Variants in SIGLEC6 observed in about 807,000 individuals in gnomAD.
SIGLEC6 encodes the protein sialic acid binding Ig like lectin 6, also known as sialic acid-binding Ig-like lectin 6.
SIGLEC6 carries 31 observed loss-of-function variants against 41.4 expected under a neutral mutation model. That is an observed-to-expected ratio of 0.75 (90% CI 0.56 to 1.01). SIGLEC6 has a LOEUF of 1.01. Ranked by LOEUF, SIGLEC6 falls within the 50% of genes least tolerant of loss-of-function variation. SIGLEC6 has a pLI of 0.00. For missense variants in SIGLEC6, 555 were observed against 558.6 expected (o/e 0.99, Z 0.06); for synonymous variants, 217 against 231.0 (o/e 0.94, Z 0.55).
In SIGLEC6 at chr19:51,531,609, G is replaced by A; in HGVS notation, c.40C>T (p.Pro14Ser). ...GCCCACAGCAGGGGCAGCAGCAGCG[G>A]TAGCATCTCTGAGGCGGAGGCTTCC... ...AQEASASEML[P>S]LLLPLLWAGA... The change falls in exon 1 of 8, where the codon CCG becomes TCG. Residue 14 changes from proline to serine, a missense_variant. Pro to Ser is a moderately conservative substitution (Grantham distance 74). Transcript: ENST00000425629. The A allele has an allele frequency of 6.2e-7, 1 of 1,613,194 alleles. No homozygotes were observed. The highest frequency in any genetic ancestry group is 8.5e-7 in the Non-Finnish European group (1 of 1,179,578).
At chr19:51,521,662 C>T (rs780276001) in intron 7 of SIGLEC6, among the ~76,000 whole-genome samples, 2 of 152,102 alleles carry the variant, frequency 1.3e-5, no homozygotes, top group Non-Finnish European at 2.9e-5. Flanking sequence ...ACATCCCAGA[C>T]TTTTGGAAGA....
chr19:51,521,240 A>C (rs549434621), intron 7 of SIGLEC6, among the ~76,000 whole-genome samples: 1 of 152,318 alleles, frequency 6.6e-6, no homozygotes, highest in East Asian at 1.9e-4. Flanking sequence ...CAAAGTGGGG[A>C]TTTAACACAC....
chr19:51,527,942 G>T, intron 6 of SIGLEC6, 114 bp from the exon 7 acceptor site: 1 of 1,064,586 alleles, frequency 9.4e-7, no homozygotes, highest in Non-Finnish European at 1.4e-6. Flanking sequence ...AGGTCCAGGT[G>T]CTCACATGAG....
Position 51,527,727 on chromosome 19 carries a change from T to G in SIGLEC6, c.1188+20A>C, listed in dbSNP as rs746418451. 6.2e-7 allele frequency: 1 copy of G among 1,611,460 alleles called. No individual in the cohort carries two copies. Among genetic ancestry groups the G allele is most frequent in the African/African-American group, 1.3e-5 (1 of 74,810 alleles). ...CAAAAGGGATAATGCTGAATGGAAATTAAGGTCTCTGTCACTCACCCTGGA... is the reference window on the plus strand; with the variant it reads ...CAAAAGGGATAATGCTGAATGGAAAGTAAGGTCTCTGTCACTCACCCTGGA... On this transcript the variant is annotated intron_variant, in intron 7 of 7. Transcript: ENST00000425629.
intron 4 of SIGLEC6, among the ~76,000 whole-genome samples, 169 bp downstream of exon 4, chr19:51,530,268 G>T (rs1455894694): frequency 1.3e-5 from 2 of 152,208 alleles, no homozygotes; most frequent in South Asian, 2.1e-4. Context: ...AGTGCGAGGG[G>T]TGTGGCAGCT....
At chr19:51,529,498 G>A (rs897835845) in intron 5 of SIGLEC6, 7 of 575,292 alleles carry the variant, frequency 1.2e-5, no homozygotes, top group African/African-American at 3.8e-5. Flanking sequence ...TGACTGTGAA[G>A]GAGCCATGGC....
chr19:51,519,250 G>A lies in SIGLEC6; in HGVS notation c.*832C>T, dbSNP rs1487991951. 2.4e-5 allele frequency among the ~76,000 whole-genome samples: 3 copies of A among 124,622 alleles called. No individual in the cohort carries two copies. The highest frequency in any genetic ancestry group is 2.7e-4 in the South Asian group (1 of 3,682). The allele number at this position is 124,622 out of a possible 152,430, so 81.8% of individuals were successfully genotyped here. A position where few individuals can be genotyped will look rare whatever the true frequency, so the allele number is the denominator to read the frequency against. ...GCGAAGCTTGCACTGAGCCAAGATC[G>A]CACCACTGCACTCCAGCCTGGGAGA... On this transcript the variant is annotated 3_prime_UTR_variant, in exon 8 of 8. Coordinates refer to ENST00000425629, the MANE Select transcript of SIGLEC6 (RefSeq NM_001245.7).
At chr19:51,525,440 G>A (rs894921494) in intron 7 of SIGLEC6, among the ~76,000 whole-genome samples, 4 of 152,150 alleles carry the variant, frequency 2.6e-5, no homozygotes, top group Admixed American at 6.5e-5. Context: ...CAGCCAGACC[G>A]TATCAGTGTG....
intron 7 of SIGLEC6, among the ~76,000 whole-genome samples, chr19:51,526,695 T>C (rs1306382648): frequency 6.6e-6 from 1 of 152,096 alleles, no homozygotes; most frequent in East Asian, 1.9e-4. Context: ...TTAACCAGAA[T>C]GAAATGGATA....
chr19:51,531,226 A>C lies in SIGLEC6; in HGVS notation c.361T>G (p.Phe121Val). 6.2e-7 allele frequency: 1 copy of C among 1,613,224 alleles called. No homozygotes were observed. The highest frequency in any genetic ancestry group is 8.5e-7 in the Non-Finnish European group (1 of 1,179,450). Residue 121 changes from phenylalanine (F) to valine (V), a missense_variant, in exon 2 of 8, where the codon TTT becomes GTT. Coordinates refer to ENST00000425629, the MANE Select transcript of SIGLEC6 (RefSeq NM_001245.7). ...ARRRDNAAYF[F>V]RLKSKWMKYG... Reference sequence around the variant, plus strand: ...TTCATCCATTTGGACTTCAACCGAAAGAAGTATGCAGCATTGTCCCTCCTC... The same window carrying C: ...TTCATCCATTTGGACTTCAACCGAACGAAGTATGCAGCATTGTCCCTCCTC...
rs1897175817 is a variant in SIGLEC6, at chr19:51,529,571, GT to G, written c.1012+152del. ...GCCAGTGCAGGGAGGAGCCACTGCA[GT>G]GTGGACTCTAAGCCTCCCAGAGGTA... On this transcript the variant is annotated intron_variant, in intron 5 of 7. Transcript: ENST00000425629. 4 of 910,606 alleles carry G rather than the reference GT, an allele frequency of 4.4e-6. No individual in the cohort carries two copies. The Admixed American group carries it at 9.6e-5, about 22-fold the overall frequency. The allele number at this position is 910,606 out of a possible 1,614,324, so 56.4% of individuals were successfully genotyped here.
rs1372174851 is a variant in SIGLEC6, at chr19:51,519,173, T to C, written c.*909A>G. On this transcript the variant is annotated 3_prime_UTR_variant, in exon 8 of 8. Transcript: ENST00000425629. ...AGCCGGGTGTGGTGGTGGGTGCCTG[T>C]AGTCCCAGCTACTTGGGAGGCTGAG... is the stretch of plus-strand genomic sequence containing the variant. Among the ~76,000 whole-genome samples, 1 of 151,686 alleles carries C rather than the reference T, an allele frequency of 6.6e-6. No individual in the cohort carries two copies. Among genetic ancestry groups the C allele is most frequent in the Admixed American group, 6.6e-5 (1 of 15,232 alleles).
chr19:51,520,019 G>A lies in SIGLEC6; in HGVS notation c.*63C>T. ...GTGGTACATTGCTGTGGCAGCCCTA[G>A]TAACCAATACACTGAGAGGTACCAT... On this transcript the variant is annotated 3_prime_UTR_variant, in exon 8 of 8. Coordinates refer to ENST00000425629, the MANE Select transcript of SIGLEC6 (RefSeq NM_001245.7). 7.3e-7 allele frequency: 1 copy of A among 1,373,664 alleles called. No individual in the cohort carries two copies. Among genetic ancestry groups the A allele is most frequent in the Non-Finnish European group, 9.8e-7 (1 of 1,018,048 alleles). 85.1% of individuals were successfully genotyped at this position (1,373,664 alleles called of 1,614,324 possible). A position where few individuals can be genotyped will look rare whatever the true frequency, so the allele number is the denominator to read the frequency against.
chr19:51,530,409 G>A (rs752625658), intron 4 of SIGLEC6, 28 bp downstream of exon 4: 2 of 1,605,876 alleles, frequency 1.2e-6, no homozygotes, highest in East Asian at 2.2e-5. Context: ...ATCTGGCCCT[G>A]GAGAGAACAG....
In SIGLEC6 at chr19:51,528,267, T is replaced by C; in HGVS notation, c.1013-14A>G. 1 of 1,608,360 alleles carries C rather than the reference T, an allele frequency of 6.2e-7. No individual in the cohort carries two copies. Among genetic ancestry groups the C allele is most frequent in the Non-Finnish European group, 8.5e-7 (1 of 1,174,822 alleles). On this transcript the variant is annotated splice_polypyrimidine_tract_variant and intron_variant, in intron 5 of 7. Coordinates refer to ENST00000425629, the MANE Select transcript of SIGLEC6 (RefSeq NM_001245.7). The stretch of plus-strand genomic sequence containing the variant: ...CTTCTGGTTTCCCTATAATTTGAAT[T>C]TTAAGTGAACTCCAGTTCTAATTCC...
chr19:51,525,314 T>C (rs557470263), intron 7 of SIGLEC6, among the ~76,000 whole-genome samples: 1 of 152,204 alleles, frequency 6.6e-6, no homozygotes, highest in South Asian at 2.1e-4. Flanking sequence ...CAGACAAGTC[T>C]GCCATTTTTT....
chr19:51,528,115 T>G (rs201230775), intron 6 of SIGLEC6, 45 bp downstream of exon 6: 2 of 1,542,692 alleles, frequency 1.3e-6, no homozygotes, highest in Admixed American at 3.3e-5. Flanking sequence ...CTGTGTGCCC[T>G]TCCCACATGA....
intron 7 of SIGLEC6, among the ~76,000 whole-genome samples, chr19:51,524,333 G>A (rs4802803): frequency 0.054 from 8,166 of 152,134 alleles, 305 homozygotes; most frequent in South Asian, 0.12. Context: ...ACACTAGAGT[G>A]GTAATATTAA....
intron 7 of SIGLEC6, among the ~76,000 whole-genome samples, chr19:51,525,121 C>T (rs1329559225): frequency 6.6e-6 from 1 of 152,212 alleles, no homozygotes; most frequent in Non-Finnish European, 1.5e-5. Flanking sequence ...CTCTCACATG[C>T]TCTCAGGGTA....
Sources: gnomAD v4.1 joint callset for allele counts (sites outside exome capture counted in the v4.1 genomes callset) on GRCh38, gnomAD v4.1.1 for gene constraint, MANE v1.5 for transcripts, NCBI Gene and HGNC (gene_info 2026-07-23, HGNC 2026-07-21) for gene names.